Variants in SPAG9 observed in about 807,000 individuals in gnomAD.
SPAG9 encodes C-Jun-amino-terminal kinase-interacting protein 4.
SPAG9 carries 35 observed loss-of-function variants against 166.5 expected under a neutral mutation model. The ratio of observed to expected loss-of-function variants is 0.21; its 90% confidence interval spans 0.16 to 0.28. The LOEUF (loss-of-function observed/expected upper bound fraction) is 0.28, where lower values mean the gene tolerates loss of function less well. Ranked by LOEUF, SPAG9 falls within the 10% of genes least tolerant of loss-of-function variation. The pLI is 1.00. For missense variants in SPAG9, 1,235 were observed against 1,603.3 expected (o/e 0.77, Z 3.92); for synonymous variants, 534 against 565.5 (o/e 0.94, Z 0.79).
At chr17:51,005,093 C>T in intron 12 of SPAG9, 119 bp downstream of exon 12, 1 of 821,320 alleles carries the variant, frequency 1.2e-6, no homozygotes, top group South Asian at 1.7e-5. Context: ...TGACCATAAA[C>T]ATGTCTCCTG....
intron 1 of SPAG9, among the ~76,000 whole-genome samples, chr17:51,082,934 C>A (rs1158655888): frequency 6.6e-6 from 1 of 152,070 alleles, no homozygotes; most frequent in Non-Finnish European, 1.5e-5. Flanking sequence ...TAGGGGTGGG[C>A]ACATGATTTG....
At chr17:51,093,269 T>C (rs951719506) in intron 1 of SPAG9, among the ~76,000 whole-genome samples, 9 of 151,636 alleles carry the variant, frequency 5.9e-5, no homozygotes, top group African/African-American at 1.9e-4. Flanking sequence ...GTGTTTAATA[T>C]GAAAAAAGTT....
At chr17:50,998,022 ATTTTTTTTTTTTTTTTTTTT>A (rs563896612) in intron 15 of SPAG9, among the ~76,000 whole-genome samples, 3 of 90,760 alleles carry the variant, frequency 3.3e-5, no homozygotes, top group African/African-American at 1.3e-4. Flanking sequence ...TACAGAAATG[ATTTTTTTTTTTTTTTTTTTT>A]TTTTTTTTTA....
intron 2 of SPAG9, among the ~76,000 whole-genome samples, chr17:51,059,649 G>A (rs1193223403): frequency 6.6e-6 from 1 of 152,032 alleles, no homozygotes; most frequent in Non-Finnish European, 1.5e-5. Flanking sequence ...CTACTTGGGA[G>A]GCTGAGGCAG....
At chr17:50,993,181 T>C (rs1296619798) in intron 19 of SPAG9, among the ~76,000 whole-genome samples, 1 of 150,280 alleles carries the variant, frequency 6.7e-6, no homozygotes, top group Non-Finnish European at 1.5e-5. Context: ...CCGGGCGTGG[T>C]GGCAGGTGCC....
At chr17:51,076,062 T>C (rs2047960449) in intron 2 of SPAG9, among the ~76,000 whole-genome samples, 2 of 151,164 alleles carry the variant, frequency 1.3e-5, no homozygotes, top group South Asian at 4.2e-4. Flanking sequence ...GCCACTGCAC[T>C]CCAGCCTGGG....
intron 1 of SPAG9, among the ~76,000 whole-genome samples, chr17:51,094,413 T>C (rs1409977737): frequency 6.6e-6 from 1 of 152,164 alleles, no homozygotes; most frequent in African/African-American, 2.4e-5. Context: ...AGAAAAGTCA[T>C]TGCTCCCATG....
Position 50,969,258 on chromosome 17 carries a change from C to T in SPAG9, c.3850+1449G>A, listed in dbSNP as rs527540365. Among the ~76,000 whole-genome samples, 61 of 152,192 alleles carry T rather than the reference C, an allele frequency of 4.0e-4. 1 individual carries two copies. The highest frequency in any genetic ancestry group is 1.3e-3 in the African/African-American group (55 of 41,526). On this transcript the variant is annotated intron_variant, in intron 29 of 29. Coordinates refer to ENST00000262013, the MANE Select transcript of SPAG9 (RefSeq NM_001130528.3). ...TAGAGGACCTGTATATTCAGAAGCC[C>T]AGTGGAAATTTCCCACCTAAATCAC...
At chr17:51,039,776 T>C (rs534034589) in intron 5 of SPAG9, among the ~76,000 whole-genome samples, 2 of 152,334 alleles carry the variant, frequency 1.3e-5, no homozygotes, top group East Asian at 3.9e-4. Flanking sequence ...AGTATTAAAA[T>C]ATAGTTACCA....
chr17:50,971,896 T>C (rs1197694986), intron 28 of SPAG9, among the ~76,000 whole-genome samples: 1 of 152,136 alleles, frequency 6.6e-6, no homozygotes, highest in African/African-American at 2.4e-5. Context: ...GCCTCCCAAG[T>C]AGTTGCGATT....
chr17:51,006,445 G>A (rs2045222416), intron 10 of SPAG9, among the ~76,000 whole-genome samples: 2 of 152,008 alleles, frequency 1.3e-5, no homozygotes, highest in Admixed American at 6.6e-5. Context: ...AATAAAACAA[G>A]ACAGATCATC....
chr17:51,020,395 AC>A, intron 7 of SPAG9, 137 bp from the exon 8 acceptor site: 1 of 604,416 alleles, frequency 1.7e-6, no homozygotes, highest in Non-Finnish European at 2.9e-6. Flanking sequence ...TTTAGGAAAT[AC>A]AGCATTATAC....
chr17:50,998,646 A>G, intron 14 of SPAG9, 29 bp from the exon 15 acceptor site: 1 of 1,595,748 alleles, frequency 6.3e-7, no homozygotes, highest in Non-Finnish European at 8.6e-7. Flanking sequence ...TCTGTGTGTC[A>G]CATGTACTAT....
chr17:51,112,668 C>T (rs1371658170), intron 1 of SPAG9, among the ~76,000 whole-genome samples: 2 of 16,864 alleles, frequency 1.2e-4, no homozygotes, highest in Admixed American at 9.7e-4. Flanking sequence ...GACTCTGTCT[C>T]AACAAAAAAA....
At position 51,005,221 on chromosome 17, in the gene SPAG9, A is replaced by G. The variant is rs754502312; in HGVS notation, c.1467T>C (p.Asp489=). Residue 489 remains aspartate (D), a synonymous_variant, in exon 12 of 30, where the codon GAT becomes GAC. Transcript: ENST00000262013. ...EAEDARQKAK[D]DDDSDIPTAQ... is the part of the protein sequence containing the mutation. ...AAAATTGTAAACCTACATCATCGTCATCTTTTGCTTTTTGCCTTGCATCTT... is the reference window on the plus strand; with the variant it reads ...AAAATTGTAAACCTACATCATCGTCGTCTTTTGCTTTTTGCCTTGCATCTT... 3 of 1,614,048 alleles carry G rather than the reference A, an allele frequency of 1.9e-6. No homozygotes were observed. The highest frequency in any genetic ancestry group is 1.1e-5 in the South Asian group (1 of 91,076).
intron 19 of SPAG9, among the ~76,000 whole-genome samples, chr17:50,991,307 G>C (rs1304652404): frequency 6.6e-6 from 1 of 151,988 alleles, no homozygotes; most frequent in Non-Finnish European, 1.5e-5. Flanking sequence ...CAAGACTACT[G>C]CTACTACTTG....
At chr17:50,999,027 A>G (rs2044808821) in intron 14 of SPAG9, among the ~76,000 whole-genome samples, 1 of 152,234 alleles carries the variant, frequency 6.6e-6, no homozygotes, top group Non-Finnish European at 1.5e-5. Flanking sequence ...CCAGTTCTAA[A>G]AACAGCTTAT....
At chr17:50,984,319 C>T (rs529622702) in intron 24 of SPAG9, among the ~76,000 whole-genome samples, 1 of 152,176 alleles carries the variant, frequency 6.6e-6, no homozygotes, top group East Asian at 1.9e-4. Flanking sequence ...ACACATAGGA[C>T]ATTAAAAAAA....
intron 2 of SPAG9, among the ~76,000 whole-genome samples, chr17:51,074,259 C>CA (rs928551160): frequency 6.1e-5 from 9 of 148,204 alleles, no homozygotes; most frequent in South Asian, 2.1e-4. Flanking sequence ...CAAAACAAAA[C>CA]AAAAAAAACA....
Sources: gnomAD v4.1 joint callset for allele counts (sites outside exome capture counted in the v4.1 genomes callset) on GRCh38, gnomAD v4.1.1 for gene constraint, MANE v1.5 for transcripts, NCBI Gene and HGNC (gene_info 2026-07-23, HGNC 2026-07-21) for gene names.